Variants in LMO1 observed in about 807,000 individuals in gnomAD.
LMO1 encodes LIM domain only 1.
In LMO1, 10 loss-of-function variants were observed where a neutral mutation model predicts 18.0. That is an observed-to-expected ratio of 0.55 (90% CI 0.34 to 0.94). The LOEUF is 0.94. LMO1 is among the 40% of genes least tolerant of loss of function. The pLI, the probability that LMO1 is intolerant of heterozygous loss-of-function variation, is 0.02. For synonymous variants in LMO1, 77 were observed against 77.9 expected (o/e 0.99, Z 0.06); for missense variants, 183 against 205.7 (o/e 0.89, Z 0.68).
intron 1 of LMO1, among the ~76,000 whole-genome samples, chr11:8,232,376 G>A (rs1590528407): frequency 6.6e-6 from 1 of 152,236 alleles, no homozygotes; most frequent in African/African-American, 2.4e-5. Flanking sequence ...CAGCTGGGGA[G>A]CAGATACCCC....
In LMO1 at chr11:8,236,470, T is replaced by A. The variant is rs1952762126; in HGVS notation, c.26-5966A>T. On this transcript the variant is annotated intron_variant, in intron 1 of 3. Coordinates refer to ENST00000335790, the MANE Select transcript of LMO1 (RefSeq NM_002315.3). ...ATCCTCCCACCTCAACTTCCCAAAG[T>A]GCTGGGGTTAGTAGGAGAAAGAGCT... Among the ~76,000 whole-genome samples, 4 of 151,760 alleles carry A rather than the reference T, an allele frequency of 2.6e-5. No individual in the cohort carries two copies. The South Asian group carries it at 8.3e-4, about 32-fold the overall frequency.
chr11:8,263,395 T>C lies in LMO1; in HGVS notation c.-33A>G, dbSNP rs776260800. On this transcript the variant is annotated 5_prime_UTR_variant, in exon 1 of 4. Transcript: ENST00000335790. ...GCTCCGTGTCCAGCCGCAGCTAGGC[T>C]CGGCCGGGAGAAGGGCGCCGACTCG... is the stretch of plus-strand genomic sequence containing the variant. The C allele has an allele frequency of 2.5e-6, 4 of 1,598,150 alleles. No individual in the cohort carries two copies. The highest frequency in any genetic ancestry group is 3.4e-6 in the Non-Finnish European group (4 of 1,176,270).
intron 1 of LMO1, among the ~76,000 whole-genome samples, chr11:8,253,009 T>G (rs1037091984): frequency 1.3e-5 from 2 of 152,254 alleles, no homozygotes; most frequent in Non-Finnish European, 2.9e-5. Context: ...GAGGGGGCCC[T>G]GCAGACAGCT....
At chr11:8,265,744 A>G (rs545689818), upstream of LMO1, among the ~76,000 whole-genome samples, 59 of 152,248 alleles carry the variant, frequency 3.9e-4, no homozygotes, top group African/African-American at 1.3e-3. Flanking sequence ...TGGGGGCTAG[A>G]CAGTGTAGCA....
At chr11:8,225,987 G>C (rs1952532408) in intron 3 of LMO1, among the ~76,000 whole-genome samples, 1 of 152,246 alleles carries the variant, frequency 6.6e-6, no homozygotes, top group Non-Finnish European at 1.5e-5. Context: ...CAGGGCTAGG[G>C]CACAGAGTTG....
intron 1 of LMO1, among the ~76,000 whole-genome samples, chr11:8,234,370 C>T (rs1287926236): frequency 6.6e-6 from 1 of 152,124 alleles, no homozygotes; most frequent in African/African-American, 2.4e-5. Flanking sequence ...GAGAAATGCC[C>T]TCATCTTCAC....
intron 1 of LMO1, among the ~76,000 whole-genome samples, chr11:8,258,466 C>A (rs574352101): frequency 6.6e-6 from 1 of 152,368 alleles, no homozygotes; most frequent in South Asian, 2.1e-4. Context: ...CCAACTCTGG[C>A]AGCTTCGCCC....
upstream of LMO1, among the ~76,000 whole-genome samples, chr11:8,265,822 G>A (rs1283253764): frequency 2.0e-5 from 3 of 152,172 alleles, no homozygotes; most frequent in Non-Finnish European, 2.9e-5. Flanking sequence ...TACTGGAGGC[G>A]TTCACTCCAT....
upstream of LMO1, among the ~76,000 whole-genome samples, chr11:8,266,713 G>A (rs1185306890): frequency 2.6e-5 from 4 of 152,224 alleles, no homozygotes; most frequent in Non-Finnish European, 5.9e-5. Context: ...AGGAGTGGGG[G>A]TGGGAGATAG....
chr11:8,268,417 G>A (rs1206798048), upstream of LMO1: 1 of 1,469,218 alleles, frequency 6.8e-7, no homozygotes, highest in Non-Finnish European at 9.0e-7. Flanking sequence ...ACCGGGCGCC[G>A]GGCACCTACC....
intron 1 of LMO1, among the ~76,000 whole-genome samples, chr11:8,241,272 T>G (rs565327567): frequency 1.1e-4 from 16 of 152,290 alleles, no homozygotes; most frequent in African/African-American, 3.9e-4. Context: ...CTCTTGCTCC[T>G]CATCCCACCT....
intron 1 of LMO1, among the ~76,000 whole-genome samples, chr11:8,251,961 T>C (rs1196304284): frequency 7.1e-6 from 1 of 140,930 alleles, no homozygotes; most frequent in Admixed American, 7.2e-5. Context: ...AGTGTGTGTT[T>C]GTGTGTGGGG....
chr11:8,225,557 C>T (rs1286815826), intron 3 of LMO1, among the ~76,000 whole-genome samples: 1 of 152,056 alleles, frequency 6.6e-6, no homozygotes, highest in African/African-American at 2.4e-5. Context: ...GATAAGTTAC[C>T]TAGAGCATCC....
chr11:8,263,264 C>G (rs1453917915), intron 1 of LMO1, 74 bp downstream of exon 1: 15 of 1,499,364 alleles, frequency 1.0e-5, no homozygotes, highest in Non-Finnish European at 1.4e-5. Flanking sequence ...CCCGTGTCCC[C>G]GCGTGTGTGT....
At chr11:8,225,920 G>T (rs1246837018) in intron 3 of LMO1, among the ~76,000 whole-genome samples, 1 of 152,216 alleles carries the variant, frequency 6.6e-6, no homozygotes, top group East Asian at 1.9e-4. Flanking sequence ...GCCTTCTGGT[G>T]CTAGGCCCCA....
intron 1 of LMO1, among the ~76,000 whole-genome samples, chr11:8,251,993 C>T (rs36153352): frequency 0.18 from 25,950 of 142,288 alleles, 2,835 homozygotes; most frequent in Non-Finnish European, 0.25. Context: ...TGGGGGTGTG[C>T]GTGTGTGTGT....
chr11:8,226,358 T>C (rs912241194), intron 3 of LMO1, among the ~76,000 whole-genome samples: 13 of 151,530 alleles, frequency 8.6e-5, no homozygotes, highest in African/African-American at 2.9e-4. Flanking sequence ...AAAATAAAAA[T>C]AAAAATTAGC....
intron 1 of LMO1, among the ~76,000 whole-genome samples, chr11:8,232,325 G>A (rs1006810470): frequency 2.0e-5 from 3 of 152,214 alleles, no homozygotes; most frequent in African/African-American, 7.2e-5. Context: ...CTTCTAGCAG[G>A]GCCCAGCCTG....
intron 1 of LMO1, among the ~76,000 whole-genome samples, chr11:8,252,158 C>T (rs1380946193): frequency 6.6e-6 from 1 of 152,178 alleles, no homozygotes; most frequent in East Asian, 1.9e-4. Context: ...CGCCTAAACT[C>T]TTCAACATGC....
Sources: gnomAD v4.1 joint callset for allele counts (sites outside exome capture counted in the v4.1 genomes callset) on GRCh38, gnomAD v4.1.1 for gene constraint, MANE v1.5 for transcripts, NCBI Gene and HGNC (gene_info 2026-07-23, HGNC 2026-07-21) for gene names.